ACSM3: variants seen among roughly 807,000 people sequenced by gnomAD.
The protein encoded by ACSM3 is acyl-CoA synthetase medium chain family member 3.
In ACSM3, 61 loss-of-function variants were observed where a neutral mutation model predicts 74.1. That is an observed-to-expected ratio of 0.82 (90% CI 0.67 to 1.02). ACSM3 has a LOEUF of 1.02. ACSM3 is among the 50% of genes least tolerant of loss of function. The probability of loss-of-function intolerance (pLI) is 0.00; values close to 1 mark genes in which losing one functional copy is unlikely to be tolerated. For missense variants in ACSM3, 660 were observed against 697.0 expected (o/e 0.95, Z 0.60); for synonymous variants, 213 against 241.5 (o/e 0.88, Z 1.09).
At chr16:20,690,630 C>T (rs1461783987) in intron 1 of ACSM3, among the ~76,000 whole-genome samples, 1 of 152,178 alleles carries the variant, frequency 6.6e-6, no homozygotes, top group Non-Finnish European at 1.5e-5. Flanking sequence ...ACATGAATAC[C>T]AGTTAAGACA....
intron 12 of ACSM3, among the ~76,000 whole-genome samples, chr16:20,794,092 C>T (rs1401608596): frequency 5.9e-5 from 9 of 152,150 alleles, no homozygotes; most frequent in African/African-American, 1.2e-4. Context: ...GTATCTCAAA[C>T]GAGGTATCCA....
chr16:20,735,844 T>G (rs2079864382), intron 1 of ACSM3: 1 of 152,210 alleles, frequency 6.6e-6, no homozygotes, highest in Admixed American at 6.5e-5. Context: ...TAAATCAACT[T>G]ATTGAGAATA....
intron 1 of ACSM3, chr16:20,738,801 T>C (rs1157796155): frequency 2.1e-6 from 3 of 1,402,636 alleles, no homozygotes; most frequent in Non-Finnish European, 3.0e-6. Flanking sequence ...ATTAACTGAG[T>C]CATGCCCAAG....
intron 1 of ACSM3, among the ~76,000 whole-genome samples, chr16:20,711,998 G>C (rs1174810846): frequency 6.6e-6 from 1 of 152,026 alleles, no homozygotes; most frequent in Middle Eastern, 3.2e-3. Context: ...TGCACCTGCT[G>C]TTTCTTCTGC....
At chr16:20,697,557 A>ACACC (rs1491393881) in intron 1 of ACSM3, 1 of 650 alleles carries the variant, frequency 1.5e-3, no homozygotes, top group Non-Finnish European at 0.013. Flanking sequence ...AAATTGGATT[A>ACACC]CACACACACA....
intron 1 of ACSM3, among the ~76,000 whole-genome samples, chr16:20,678,380 A>T (rs1596933991): frequency 6.6e-6 from 1 of 152,222 alleles, no homozygotes; most frequent in African/African-American, 2.4e-5. Context: ...GCCATTTGTA[A>T]ATGAACAATA....
chr16:20,719,469 C>A (rs1445728404), intron 1 of ACSM3: 6 of 208,890 alleles, frequency 2.9e-5, no homozygotes, highest in Non-Finnish European at 1.0e-5. Context: ...CCTCAGAATA[C>A]CAGGCTTCTT....
intron 1 of ACSM3, among the ~76,000 whole-genome samples, chr16:20,686,546 G>T (rs12050994): frequency 0.12 from 18,269 of 152,184 alleles, 1,237 homozygotes; most frequent in East Asian, 0.21. Context: ...TAGATGACCA[G>T]TTGATAGGTG....
intron 1 of ACSM3, among the ~76,000 whole-genome samples, chr16:20,677,424 T>C (rs77221086): frequency 6.6e-6 from 1 of 152,174 alleles, no homozygotes; most frequent in African/African-American, 2.4e-5. Context: ...GCCTCCTTGT[T>C]TTAAAGCAAT....
chr16:20,685,550 A>G (rs1463937158), intron 1 of ACSM3: 1 of 764,492 alleles, frequency 1.3e-6, no homozygotes, highest in East Asian at 2.6e-5. Context: ...AGCCAGGCGC[A>G]GTGGCTCATG....
chr16:20,769,992 G>T lies in ACSM3; in HGVS notation c.-43G>T, dbSNP rs767754433. On this transcript the variant is annotated 5_prime_UTR_variant, in exon 2 of 14. Coordinates refer to ENST00000289416, the MANE Select transcript of ACSM3 (RefSeq NM_005622.4). ...TTTTGCTTGTCTTTTAGATGAACTG[G>T]TCTCTGTGCAAATCCTGAGTGCTAA... 6.3e-7 allele frequency: 1 copy of T among 1,589,732 alleles called. No homozygotes were observed. Among genetic ancestry groups the T allele is most frequent in the South Asian group, 1.1e-5 (1 of 90,506 alleles).
chr16:20,714,692 G>GGAGAGAGA (rs142667433), intron 1 of ACSM3, among the ~76,000 whole-genome samples: 1 of 151,516 alleles, frequency 6.6e-6, no homozygotes, highest in African/African-American at 2.4e-5. Context: ...ACCATCGGTT[G>GGAGAGAGA]GAGAGAGAGA....
At chr16:20,741,852 G>A in intron 1 of ACSM3, 4 of 1,536,296 alleles carry the variant, frequency 2.6e-6, no homozygotes, top group Non-Finnish European at 3.5e-6. Flanking sequence ...TCCCCTAGCC[G>A]GCCTCGAAGC....
chr16:20,737,631 C>T, intron 1 of ACSM3: 1 of 1,456,772 alleles, frequency 6.9e-7, no homozygotes. Flanking sequence ...AGCCTTAAAT[C>T]TTTAAAAAGA....
At chr16:20,685,104 C>T in intron 1 of ACSM3, 5 of 1,416,344 alleles carry the variant, frequency 3.5e-6, no homozygotes, top group Non-Finnish European at 5.0e-6. Flanking sequence ...TGTGTCAGTG[C>T]CAGGCTGGGT....
At chr16:20,789,651 C>T in intron 9 of ACSM3, 1 of 778,208 alleles carries the variant, frequency 1.3e-6, no homozygotes. Context: ...AGCAGGTTGG[C>T]AAAACTGTAT....
chr16:20,741,480 G>GGGGGGGGGGGC, intron 1 of ACSM3: 14 of 1,340,414 alleles, frequency 1.0e-5, no homozygotes, highest in South Asian at 1.7e-5. Flanking sequence ...CCTGGCAGCC[G>GGGGGGGGGGGC]GCCCGCCCGC....
chr16:20,784,532 A>C (rs2080426913), intron 7 of ACSM3: 2 of 153,914 alleles, frequency 1.3e-5, no homozygotes, highest in Admixed American at 1.3e-4. Flanking sequence ...CAGTACATAC[A>C]CTAAAATTGG....
At chr16:20,703,072 G>A (rs1596481446) in intron 1 of ACSM3, 1 of 152,152 alleles carries the variant, frequency 6.6e-6, no homozygotes, top group South Asian at 2.1e-4. Context: ...AATAGGGAAT[G>A]CTTTTCCCAC....
Sources: gnomAD v4.1 joint callset for allele counts (sites outside exome capture counted in the v4.1 genomes callset) on GRCh38, gnomAD v4.1.1 for gene constraint, MANE v1.5 for transcripts, NCBI Gene and HGNC (gene_info 2026-07-23, HGNC 2026-07-21) for gene names.